ARHGAP28: variants seen among roughly 807,000 people sequenced by gnomAD.
ARHGAP28 encodes the protein Rho GTPase activating protein 28.
Under a neutral mutation model 90.7 loss-of-function variants are expected in ARHGAP28, and 56 were observed. That is an observed-to-expected ratio of 0.62 (90% CI 0.50 to 0.77). ARHGAP28 has a LOEUF of 0.77. Among genes scored for constraint, ARHGAP28 ranks in the 30% least tolerant of loss-of-function variants. The pLI, the probability that ARHGAP28 is intolerant of heterozygous loss-of-function variation, is 0.00. For missense variants in ARHGAP28, 869 were observed against 900.9 expected (o/e 0.96, Z 0.45); for synonymous variants, 308 against 323.3 (o/e 0.95, Z 0.51).
chr18:6,868,574 A>C (rs562337717), intron 6 of ARHGAP28, among the ~76,000 whole-genome samples: 1 of 151,414 alleles, frequency 6.6e-6, no homozygotes, highest in Admixed American at 6.6e-5. Flanking sequence ...GAGGATCCCT[A>C]CTCACTGCTC....
chr18:6,792,751 C>T (rs982575155), intron 1 of ARHGAP28, among the ~76,000 whole-genome samples: 15 of 152,298 alleles, frequency 9.8e-5, no homozygotes, highest in African/African-American at 2.9e-4. Flanking sequence ...TTCTCCCTCC[C>T]GCCAGCTGAT....
intron 5 of ARHGAP28, 108 bp downstream of exon 5, chr18:6,860,005 T>A: frequency 1.0e-6 from 1 of 971,554 alleles, no homozygotes; most frequent in South Asian, 1.6e-5. Context: ...TAAAAAATAC[T>A]TGAGCTAAGA....
intron 1 of ARHGAP28, among the ~76,000 whole-genome samples, chr18:6,754,101 T>G (rs9951953): frequency 2.6e-5 from 4 of 152,208 alleles, no homozygotes; most frequent in African/African-American, 7.2e-5. Flanking sequence ...GAATACTGTT[T>G]AAAACATTAT....
chr18:6,901,062 A>C (rs2057335793), intron 16 of ARHGAP28, among the ~76,000 whole-genome samples: 1 of 152,162 alleles, frequency 6.6e-6, no homozygotes, highest in South Asian at 2.1e-4. Context: ...TCTGGAAATG[A>C]GGGGGAAATA....
chr18:6,767,132 T>G (rs1371230781), intron 1 of ARHGAP28, among the ~76,000 whole-genome samples: 1 of 152,158 alleles, frequency 6.6e-6, no homozygotes, highest in African/African-American at 2.4e-5. Flanking sequence ...TCTTTGTTCA[T>G]TATTTTTCGT....
chr18:6,820,639 C>A (rs1337927831), intron 1 of ARHGAP28, among the ~76,000 whole-genome samples: 1 of 152,132 alleles, frequency 6.6e-6, no homozygotes, highest in East Asian at 1.9e-4. Context: ...CTATTATGAG[C>A]AGATAGAACA....
At chr18:6,780,318 C>G (rs1040961824) in intron 1 of ARHGAP28, among the ~76,000 whole-genome samples, 1 of 152,082 alleles carries the variant, frequency 6.6e-6, no homozygotes, top group African/African-American at 2.4e-5. Flanking sequence ...ACAATAAAAA[C>G]TAACTACGAC....
chr18:6,827,360 G>C (rs958432421), intron 2 of ARHGAP28, among the ~76,000 whole-genome samples: 2 of 148,984 alleles, frequency 1.3e-5, no homozygotes, highest in African/African-American at 5.0e-5. Context: ...CTGGCTGGGC[G>C]GAGGGTTGAC....
chr18:6,744,489 C>G (rs2056005514), intron 1 of ARHGAP28, among the ~76,000 whole-genome samples: 1 of 152,068 alleles, frequency 6.6e-6, no homozygotes. Flanking sequence ...ATGAGATAAT[C>G]CTAGATTTTT....
In ARHGAP28 at chr18:6,837,187, TC is replaced by T. The variant is rs1461780473; in HGVS notation, c.326-9del. On this transcript the variant is annotated splice_polypyrimidine_tract_variant and intron_variant, in intron 2 of 17. Transcript: ENST00000383472. ...TATTCTAACCCTCTCTTGGTAATGT[TC>T]TTTCACAGAAGGAGAACTTGAAGCA... 6.5e-7 allele frequency: 1 copy of T among 1,540,026 alleles called. No individual in the cohort carries two copies. Among genetic ancestry groups the T allele is most frequent in the East Asian group, 2.4e-5 (1 of 40,894 alleles).
intron 1 of ARHGAP28, among the ~76,000 whole-genome samples, chr18:6,801,325 T>C (rs1027037610): frequency 1.3e-5 from 2 of 152,192 alleles, no homozygotes; most frequent in African/African-American, 4.8e-5. Flanking sequence ...TAACAACATA[T>C]GTGTTAGTGT....
rs530259954 is a variant in ARHGAP28 at position 6,896,735 on chromosome 18, T to C, written c.2030+109T>C. ...ACCTTTTGTAAAATATAGAACCTGT[T>C]GCTTTAGGGAGTTTACCAGTGGATT... On this transcript the variant is annotated intron_variant, in intron 16 of 17. Transcript: ENST00000383472. 2 of 1,287,872 alleles carry C rather than the reference T, an allele frequency of 1.6e-6. 1 individual carries two copies. The highest frequency in any genetic ancestry group is 3.0e-5 in the South Asian group (2 of 65,716). 79.8% of individuals were successfully genotyped at this position (1,287,872 alleles called of 1,614,324 possible). A position where few individuals can be genotyped will look rare whatever the true frequency, so the allele number is the denominator to read the frequency against.
At chr18:6,839,445 C>A (rs187449642) in intron 3 of ARHGAP28, among the ~76,000 whole-genome samples, 2 of 152,124 alleles carry the variant, frequency 1.3e-5, no homozygotes, top group Non-Finnish European at 2.9e-5. Context: ...AGGCGCCAGC[C>A]ACCACGCCTG....
At chr18:6,787,702 T>A (rs988597918) in intron 1 of ARHGAP28, among the ~76,000 whole-genome samples, 1 of 152,202 alleles carries the variant, frequency 6.6e-6, no homozygotes, top group Non-Finnish European at 1.5e-5. Flanking sequence ...TCCCCATGGG[T>A]GTTTTTTGTT....
At chr18:6,887,296 G>A in intron 12 of ARHGAP28, 57 bp downstream of exon 12, 19 of 1,508,458 alleles carry the variant, frequency 1.3e-5, no homozygotes, top group Non-Finnish European at 1.7e-5. Flanking sequence ...AGAGGACATG[G>A]CTCATATAGG....
At chr18:6,841,174 CTCTCTCCTCTCTCT>C (rs1376455958) in intron 3 of ARHGAP28, among the ~76,000 whole-genome samples, 1 of 81,852 alleles carries the variant, frequency 1.2e-5, no homozygotes, top group East Asian at 3.3e-4. Flanking sequence ...TCTCCTCTCT[CTCTCTCCTCTCTCT>C]CTCTCTCTCT....
At chr18:6,818,275 C>CT (rs1200072294) in intron 1 of ARHGAP28, among the ~76,000 whole-genome samples, 1 of 152,188 alleles carries the variant, frequency 6.6e-6, no homozygotes, top group African/African-American at 2.4e-5. Flanking sequence ...TATCACTTCT[C>CT]TGCTATAAAA....
chr18:6,908,857 G>T, intron 16 of ARHGAP28, 103 bp from the exon 17 acceptor site: 1 of 704,856 alleles, frequency 1.4e-6, no homozygotes, highest in South Asian at 1.6e-5. Flanking sequence ...GACACATTTC[G>T]TCAAGGCAGA....
chr18:6,798,138 A>G (rs1396366766), intron 1 of ARHGAP28, among the ~76,000 whole-genome samples: 2 of 152,194 alleles, frequency 1.3e-5, no homozygotes, highest in African/African-American at 4.8e-5. Context: ...TTCATATGCA[A>G]AAAAACACCT....
Sources: gnomAD v4.1 joint callset for allele counts (sites outside exome capture counted in the v4.1 genomes callset) on GRCh38, gnomAD v4.1.1 for gene constraint, MANE v1.5 for transcripts, NCBI Gene and HGNC (gene_info 2026-07-23, HGNC 2026-07-21) for gene names.